TM4SF19: variants seen among roughly 807,000 people sequenced by gnomAD.
TM4SF19 encodes the protein transmembrane 4 L six family member 19.
TM4SF19 carries 17 observed loss-of-function variants against 21.8 expected under a neutral mutation model. That is an observed-to-expected ratio of 0.78 (90% CI 0.53 to 1.17). TM4SF19 has a LOEUF of 1.17. Among genes scored for constraint, TM4SF19 ranks in the 50% most tolerant of loss-of-function variants. TM4SF19 has a pLI of 0.00. For synonymous variants in TM4SF19, 107 were observed against 106.7 expected (o/e 1.00, Z -0.02); for missense variants, 216 against 252.1 (o/e 0.86, Z 0.97).
intron 1 of TM4SF19, among the ~76,000 whole-genome samples, chr3:196,337,732 G>C (rs1280379920): frequency 6.6e-6 from 1 of 152,142 alleles, no homozygotes; most frequent in Admixed American, 6.5e-5. Flanking sequence ...CTCAAGTCAC[G>C]CACTTGGCCC....
intron 4 of TM4SF19, 96 bp from the exon 5 acceptor site, chr3:196,324,093 T>G (rs1433741864): frequency 1.3e-6 from 2 of 1,503,708 alleles, no homozygotes; most frequent in Non-Finnish European, 1.8e-6. Flanking sequence ...CCTGACCGGG[T>G]CATGGGACTG....
At chr3:196,333,298 A>G (rs569445942) in intron 1 of TM4SF19, among the ~76,000 whole-genome samples, 1 of 152,348 alleles carries the variant, frequency 6.6e-6, no homozygotes, top group Non-Finnish European at 1.5e-5. Context: ...TCAAACCACT[A>G]TAAGTAGAGG....
Position 196,326,939 on chromosome 3 carries a change from G to A in TM4SF19, c.279+16C>T. The A allele has an allele frequency of 3.1e-6, 5 of 1,599,000 alleles. No homozygotes were observed. Among genetic ancestry groups the A allele is most frequent in the East Asian group, 2.3e-5 (1 of 44,430 alleles). On this transcript the variant is annotated intron_variant, in intron 3 of 4. Transcript: ENST00000273695. ...GAGACATTCTGGGTGTTAGAAGAGT[G>A]GAATCTGGTGCTTACGCTTCGACAG...
At chr3:196,334,056 G>A (rs1246904188) in intron 1 of TM4SF19, among the ~76,000 whole-genome samples, 1 of 149,856 alleles carries the variant, frequency 6.7e-6, no homozygotes. Context: ...TCGAGACTCC[G>A]TCTCAAAAAA....
chr3:196,326,967 C>T lies in TM4SF19; in HGVS notation c.267G>A (p.Gly89=). 1 of 1,610,900 alleles carries T rather than the reference C, an allele frequency of 6.2e-7. No individual in the cohort carries two copies. The highest frequency in any genetic ancestry group is 8.5e-7 in the Non-Finnish European group (1 of 1,177,338). Reference sequence around the variant, plus strand: ...ATCTGGTGCTTACGCTTCGACAGAGCCCACTCTTACTGAAGCAGCCGTATC... The same window carrying T: ...ATCTGGTGCTTACGCTTCGACAGAGTCCACTCTTACTGAAGCAGCCGTATC... ...GWRYGCFSKS[G]LCRSVLTALL... Residue 89 remains glycine, a synonymous_variant, in exon 3 of 5, where the codon GGG becomes GGA. Coordinates refer to ENST00000273695, the MANE Select transcript of TM4SF19 (RefSeq NM_138461.4).
chr3:196,327,102 G>T, intron 2 of TM4SF19, 70 bp from the exon 3 acceptor site: 2 of 1,308,436 alleles, frequency 1.5e-6, no homozygotes, highest in Non-Finnish European at 2.2e-6. Flanking sequence ...GCTGCCCACA[G>T]CTGTTAGAGT....
chr3:196,324,090 G>C, intron 4 of TM4SF19, 93 bp from the exon 5 acceptor site: 1 of 1,495,354 alleles, frequency 6.7e-7, no homozygotes, highest in Non-Finnish European at 9.2e-7. Context: ...TCCCCTGACC[G>C]GGTCATGGGA....
intron 1 of TM4SF19, among the ~76,000 whole-genome samples, chr3:196,336,266 G>A (rs1228406831): frequency 2.0e-5 from 3 of 151,998 alleles, no homozygotes; most frequent in East Asian, 3.8e-4. Flanking sequence ...AGACTCCTGA[G>A]TAGCTGGGAT....
chr3:196,326,392 G>A (rs1285949446), intron 3 of TM4SF19, among the ~76,000 whole-genome samples: 4 of 28,116 alleles, frequency 1.4e-4, no homozygotes, highest in Non-Finnish European at 3.3e-4. Context: ...GAGAACGAGT[G>A]TGTGTGTGTG....
Position 196,325,187 on chromosome 3 carries a change from T to G in TM4SF19, c.280-747A>C, listed in dbSNP as rs545645744. On this transcript the variant is annotated intron_variant, in intron 3 of 4. Coordinates refer to ENST00000273695, the MANE Select transcript of TM4SF19 (RefSeq NM_138461.4). This position sits in a 1 kb window ranked among gnomAD's most constrained non-coding sequence, Gnocchi z 4.3. Reference sequence around the variant, plus strand: ...CTTTCTCGTTCCTTCCTTCCTTCCCTTCCTTCCTTCTTTCTCTCTCTCTCT... The same window carrying G: ...CTTTCTCGTTCCTTCCTTCCTTCCCGTCCTTCCTTCTTTCTCTCTCTCTCT... The G allele has an allele frequency of 5.3e-5, 8 of 152,044 alleles. No individual in the cohort carries two copies. Among genetic ancestry groups the G allele is most frequent in the Non-Finnish European group, 1.0e-4 (7 of 68,054 alleles). 9.4% of individuals were successfully genotyped at this position (152,044 alleles called of 1,614,324 possible). A position where few individuals can be genotyped will look rare whatever the true frequency, so the allele number is the denominator to read the frequency against.
intron 1 of TM4SF19, among the ~76,000 whole-genome samples, chr3:196,328,163 G>A (rs931624411): frequency 4.6e-5 from 7 of 152,070 alleles, no homozygotes; most frequent in Admixed American, 3.9e-4. Context: ...AGCTGGGCAC[G>A]GTGGTGGGTG....
At chr3:196,324,838 A>G (rs1054680249) in intron 3 of TM4SF19, 1 of 162,426 alleles carries the variant, frequency 6.2e-6, no homozygotes, top group African/African-American at 2.4e-5. Context: ...GACTCTTCTA[A>G]GGAAAAGCTG....
In TM4SF19 at chr3:196,329,208, C is replaced by T. The variant is rs1727421406; in HGVS notation, c.-1-1617G>A. Among the ~76,000 whole-genome samples, 2 of 126,914 alleles carry T rather than the reference C, an allele frequency of 1.6e-5. 1 individual carries two copies. The highest frequency in any genetic ancestry group is 3.5e-5 in the Non-Finnish European group (2 of 57,710). The allele number at this position is 126,914 out of a possible 152,430, so 83.3% of individuals were successfully genotyped here. On this transcript the variant is annotated intron_variant, in intron 1 of 4. Coordinates refer to ENST00000273695, the MANE Select transcript of TM4SF19 (RefSeq NM_138461.4). ...CCGCCTGTCTCGGGCTCCCAAAGTG[C>T]TGGGATTACAGGCATGAGCCACCGC...
At chr3:196,327,641 G>T in intron 1 of TM4SF19, 50 bp from the exon 2 acceptor site, 1 of 1,490,464 alleles carries the variant, frequency 6.7e-7, no homozygotes, top group Non-Finnish European at 9.3e-7. Context: ...GGGGGGATGG[G>T]GAAGGGAACT....
At chr3:196,335,576 A>T (rs903215022) in intron 1 of TM4SF19, among the ~76,000 whole-genome samples, 5 of 149,904 alleles carry the variant, frequency 3.3e-5, no homozygotes, top group Admixed American at 3.3e-4. Flanking sequence ...CTCCTACCCC[A>T]GGGGCCCAAG....
rs140965251 is a variant in TM4SF19 at position 196,332,456 on chromosome 3, A to C, written c.-1-4865T>G. Among the ~76,000 whole-genome samples, 621 of 149,442 alleles carry C rather than the reference A, an allele frequency of 4.2e-3. 18 individuals carry two copies. In the South Asian group the frequency reaches 0.068, roughly 16 times the overall value. ...GGAGGGAGGGAGGGAGGAAGGAAGA[A>C]AGGAAAGGAAGGAAGGAAAGAGGAA... On this transcript the variant is annotated intron_variant, in intron 1 of 4. Transcript: ENST00000273695.
intron 1 of TM4SF19, among the ~76,000 whole-genome samples, chr3:196,330,346 C>T (rs1031310319): frequency 1.2e-4 from 19 of 152,212 alleles, no homozygotes; most frequent in Middle Eastern, 3.4e-3. Flanking sequence ...GGTTGCACAT[C>T]ATTGCAAATG....
intron 3 of TM4SF19, among the ~76,000 whole-genome samples, chr3:196,326,553 C>G (rs1470852090): frequency 6.6e-6 from 1 of 152,132 alleles, no homozygotes; most frequent in Admixed American, 6.6e-5. Context: ...TAGATGATCT[C>G]TGGAAAACTT....
In TM4SF19 at chr3:196,326,934, A is replaced by ATTCCACTCTTCT. The variant is rs1727314023; in HGVS notation, c.279+20_279+21insAGAAGAGTGGAA. ...AGGTGGAGACATTCTGGGTGTTAGA[A>ATTCCACTCTTCT]GAGTGGAATCTGGTGCTTACGCTTC... On this transcript the variant is annotated intron_variant, in intron 3 of 4. Coordinates refer to ENST00000273695, the MANE Select transcript of TM4SF19 (RefSeq NM_138461.4). The ATTCCACTCTTCT allele has an allele frequency of 1.9e-6, 3 of 1,595,534 alleles. No homozygotes were observed. The African/African-American group carries it at 4.0e-5, about 21-fold the overall frequency.
Sources: allele counts gnomAD v4.1 joint callset (sites outside exome capture counted in the v4.1 genomes callset), GRCh38; gene constraint gnomAD v4.1.1; non-coding constraint Gnocchi (gnomAD v3.1); transcripts MANE v1.5; gene names NCBI Gene and HGNC (gene_info 2026-07-23, HGNC 2026-07-21).